SGCZ: variants seen among roughly 807,000 people sequenced by gnomAD.
SGCZ encodes zeta-sarcoglycan.
In SGCZ, 40 loss-of-function variants were observed where a neutral mutation model predicts 41.3. That is an observed-to-expected ratio of 0.97 (90% CI 0.75 to 1.26). SGCZ has a LOEUF of 1.26. Ranked by LOEUF, SGCZ falls within the 50% of genes most tolerant of loss-of-function variation. The pLI, the probability that SGCZ is intolerant of heterozygous loss-of-function variation, is 0.00. For synonymous variants in SGCZ, 206 were observed against 137.5 expected, an observed-to-expected ratio of 1.50 and a Z score of -3.49; for missense variants, 552 against 369.8, an observed-to-expected ratio of 1.49 and a Z score of -4.04.
intron 2 of SGCZ, among the ~76,000 whole-genome samples, chr8:14,537,561 T>C (rs918083634): frequency 1.4e-5 from 1 of 69,618 alleles, no homozygotes; most frequent in African/African-American, 3.3e-5. Context: ...CTTTCTTTTC[T>C]TTTTTTTTCA....
At chr8:14,283,789 C>A (rs568588144) in intron 3 of SGCZ, among the ~76,000 whole-genome samples, 8 of 152,314 alleles carry the variant, frequency 5.3e-5, no homozygotes, top group African/African-American at 1.7e-4. Context: ...AATGGCACAA[C>A]AGCAGCCATA....
rs1056892921 is a variant in SGCZ at position 14,719,927 on chromosome 8, T to C, written c.40-165001A>G. On this transcript the variant is annotated intron_variant, in intron 1 of 7. Transcript: ENST00000382080. ...TGGTGTTTTAGACATGAAGTCCTTGTCCATGCCTATGTCCTGAATGGTAAC... is the reference window on the plus strand; with the variant it reads ...TGGTGTTTTAGACATGAAGTCCTTGCCCATGCCTATGTCCTGAATGGTAAC... Among the ~76,000 whole-genome samples, 133 of 152,120 alleles carry C rather than the reference T, an allele frequency of 8.7e-4. 2 individuals are homozygous for C. The highest frequency in any genetic ancestry group is 3.0e-3 in the African/African-American group (125 of 41,544).
At chr8:15,049,819 A>G (rs1001322961) in intron 1 of SGCZ, among the ~76,000 whole-genome samples, 53 of 152,106 alleles carry the variant, frequency 3.5e-4, no homozygotes, top group African/African-American at 1.3e-3. Flanking sequence ...AATAAGTCTC[A>G]TGAGATCTGA....
chr8:15,088,520 G>A, intron 1 of SGCZ, among the ~76,000 whole-genome samples: 1 of 152,104 alleles, frequency 6.6e-6, no homozygotes, highest in Middle Eastern at 3.4e-3. Flanking sequence ...TATATAAATG[G>A]AGATGTTAAT....
At chr8:14,537,798 G>C (rs1214449474) in intron 2 of SGCZ, among the ~76,000 whole-genome samples, 1 of 151,928 alleles carries the variant, frequency 6.6e-6, no homozygotes, top group East Asian at 1.9e-4. Context: ...GAACGCTAAA[G>C]AGCTGTTATA....
At chr8:14,927,956 T>C (rs1484105051) in intron 1 of SGCZ, among the ~76,000 whole-genome samples, 1 of 152,162 alleles carries the variant, frequency 6.6e-6, no homozygotes, top group Non-Finnish European at 1.5e-5. Flanking sequence ...AGAACCTGGA[T>C]GTCACTAAGG....
At chr8:14,987,808 C>T (rs1801875652) in intron 1 of SGCZ, among the ~76,000 whole-genome samples, 1 of 151,912 alleles carries the variant, frequency 6.6e-6, no homozygotes, top group African/African-American at 2.4e-5. Flanking sequence ...ATTAATTTTT[C>T]AGGCAACAAT....
At chr8:14,540,448 G>C (rs114233438) in intron 2 of SGCZ, among the ~76,000 whole-genome samples, 2,337 of 150,906 alleles carry the variant, frequency 0.015, 57 homozygotes, top group African/African-American at 0.054. Flanking sequence ...TTATATTCTA[G>C]ACTGGATATC....
chr8:14,883,947 T>C (rs1804693544), intron 1 of SGCZ, among the ~76,000 whole-genome samples: 1 of 152,098 alleles, frequency 6.6e-6, no homozygotes, highest in Non-Finnish European at 1.5e-5. Context: ...GGTATGATGA[T>C]AGAAGGAGTA....
intron 1 of SGCZ, among the ~76,000 whole-genome samples, chr8:14,564,077 A>C (rs1804285512): frequency 6.6e-6 from 1 of 152,210 alleles, no homozygotes; most frequent in African/African-American, 2.4e-5. Flanking sequence ...TGTTATGGGA[A>C]ATATGAATAT....
chr8:15,103,598 T>C (rs1008693647), intron 1 of SGCZ, among the ~76,000 whole-genome samples: 2 of 151,932 alleles, frequency 1.3e-5, no homozygotes, highest in African/African-American at 4.8e-5. Context: ...CTAAGCCAAG[T>C]CAAACTAGAG....
chr8:14,751,695 C>G lies in SGCZ; in HGVS notation c.40-196769G>C, dbSNP rs145284209. ...TCCCGAGTAGCTGTGACTACAGGTA[C>G]CTGCCACCATGCCCGGCTAATTTTT... On this transcript the variant is annotated intron_variant, in intron 1 of 7. Coordinates refer to ENST00000382080, the MANE Select transcript of SGCZ (RefSeq NM_139167.4). 2.1e-4 allele frequency among the ~76,000 whole-genome samples: 32 copies of G among 152,052 alleles called. No homozygotes were observed. The East Asian group carries it at 6.2e-3, about 30-fold the overall frequency.
intron 1 of SGCZ, among the ~76,000 whole-genome samples, chr8:14,764,056 T>C (rs1213215586): frequency 6.6e-6 from 1 of 152,158 alleles, no homozygotes; most frequent in Non-Finnish European, 1.5e-5. Flanking sequence ...GCAGGGAAAG[T>C]ATAAGAACAG....
chr8:14,362,996 A>G (rs1444932731), intron 2 of SGCZ, among the ~76,000 whole-genome samples: 1 of 152,162 alleles, frequency 6.6e-6, no homozygotes, highest in Non-Finnish European at 1.5e-5. Flanking sequence ...TTTTCAACAA[A>G]TTTCTTACGT....
At chr8:14,753,519 T>G (rs985861158) in intron 1 of SGCZ, among the ~76,000 whole-genome samples, 2 of 152,350 alleles carry the variant, frequency 1.3e-5, no homozygotes, top group African/African-American at 4.8e-5. Flanking sequence ...ATTTTCTCAC[T>G]TCTGAAGTGT....
At chr8:14,800,454 T>A (rs1040479043) in intron 1 of SGCZ, among the ~76,000 whole-genome samples, 2 of 152,202 alleles carry the variant, frequency 1.3e-5, no homozygotes, top group African/African-American at 2.4e-5. Context: ...TGAATTTCAT[T>A]AGCTACTTGA....
intron 1 of SGCZ, among the ~76,000 whole-genome samples, chr8:14,631,758 G>A (rs899424319): frequency 6.6e-6 from 1 of 152,016 alleles, no homozygotes. Flanking sequence ...GTAGCAGAAG[G>A]ATTATAGAAC....
At chr8:14,102,888 T>C (rs1563127805) in intron 6 of SGCZ, among the ~76,000 whole-genome samples, 1 of 152,168 alleles carries the variant, frequency 6.6e-6, no homozygotes, top group Admixed American at 6.5e-5. Flanking sequence ...GATGGAGGTT[T>C]AATAAAAAAT....
intron 2 of SGCZ, among the ~76,000 whole-genome samples, chr8:14,327,529 C>A (rs758949751): frequency 2.0e-5 from 3 of 152,122 alleles, no homozygotes; most frequent in Non-Finnish European, 4.4e-5. Context: ...CTAGTTCTAA[C>A]ACAATTGTAA....
Sources: allele counts gnomAD v4.1 joint callset (sites outside exome capture counted in the v4.1 genomes callset), GRCh38; gene constraint gnomAD v4.1.1; transcripts MANE v1.5; gene names NCBI Gene and HGNC (gene_info 2026-07-23, HGNC 2026-07-21).